The following DSCAM variants were observed in gnomAD, a reference collection of about 807,000 sequenced individuals.
DSCAM encodes the protein cell adhesion molecule DSCAM.
In DSCAM, 47 loss-of-function variants were observed where a neutral mutation model predicts 217.7. The ratio of observed to expected loss-of-function variants is 0.22; its 90% CI spans 0.17 to 0.28. The LOEUF is 0.28. DSCAM is among the 10% of genes least tolerant of loss of function. The pLI is 1.00. For missense variants in DSCAM, 2,080 were observed against 2,618.3 expected (o/e 0.79, Z 4.49); for synonymous variants, 1,056 against 1,015.3 (o/e 1.04, Z -0.76).
intron 3 of DSCAM, among the ~76,000 whole-genome samples, chr21:40,504,226 G>T (rs1302244005): frequency 1.3e-5 from 2 of 152,184 alleles, no homozygotes; most frequent in East Asian, 3.9e-4. Flanking sequence ...GTGGGGCGAG[G>T]AGAGAGGAGG....
At chr21:40,292,998 AGTGCTGGG>A (rs1238191503) in intron 10 of DSCAM, among the ~76,000 whole-genome samples, 1 of 152,116 alleles carries the variant, frequency 6.6e-6, no homozygotes, top group African/African-American at 2.4e-5. Context: ...GGCCTCCCAA[AGTGCTGGG>A]ATTACAGGTG....
At chr21:40,347,538 G>A in intron 6 of DSCAM, 132 bp downstream of exon 6, 1 of 1,222,474 alleles carries the variant, frequency 8.2e-7, no homozygotes, top group Non-Finnish European at 1.1e-6. Context: ...AAAAATTAGG[G>A]TAGAGTACTA....
chr21:40,739,649 T>C (rs1482994427), intron 1 of DSCAM, among the ~76,000 whole-genome samples: 3 of 152,140 alleles, frequency 2.0e-5, no homozygotes, highest in Non-Finnish European at 2.9e-5. Context: ...TATCTCCAAA[T>C]CCAGTCACAT....
intron 11 of DSCAM, among the ~76,000 whole-genome samples, chr21:40,247,159 T>C (rs959411833): frequency 6.6e-6 from 1 of 152,118 alleles, no homozygotes; most frequent in Non-Finnish European, 1.5e-5. Context: ...CCACAACACA[T>C]GGGAATTCTG....
At chr21:40,033,625 C>A (rs1301852323) in intron 32 of DSCAM, among the ~76,000 whole-genome samples, 32 of 151,862 alleles carry the variant, frequency 2.1e-4, no homozygotes, top group African/African-American at 7.1e-4. Flanking sequence ...CCCAGGCTTG[C>A]TTAGATAAAC....
At chr21:40,531,119 A>G (rs1327233864) in intron 3 of DSCAM, among the ~76,000 whole-genome samples, 1 of 152,184 alleles carries the variant, frequency 6.6e-6, no homozygotes, top group Non-Finnish European at 1.5e-5. Flanking sequence ...CTCTCCAGCT[A>G]CAATCTCCTT....
intron 3 of DSCAM, among the ~76,000 whole-genome samples, chr21:40,427,615 T>G (rs1264636695): frequency 6.6e-6 from 1 of 152,218 alleles, no homozygotes. Context: ...CTACCCACTT[T>G]GCAGCACTTT....
At chr21:40,609,482 T>C (rs1403548025) in intron 3 of DSCAM, among the ~76,000 whole-genome samples, 2 of 152,230 alleles carry the variant, frequency 1.3e-5, no homozygotes, top group Non-Finnish European at 2.9e-5. Context: ...CCTGGCTTTC[T>C]GTGCAATGAT....
chr21:40,741,671 A>G (rs878972358), intron 1 of DSCAM, among the ~76,000 whole-genome samples: 1 of 152,242 alleles, frequency 6.6e-6, no homozygotes, highest in East Asian at 1.9e-4. Flanking sequence ...GCTGCACGGT[A>G]GATTCACCTG....
At position 40,016,489 on chromosome 21, in the gene DSCAM, C is replaced by T. The variant is rs1461292981; in HGVS notation, c.5687-3103G>A. ...AGGTATTTTTATCATAGAAACGTAG[C>T]TCTAGGATGACTCACTGCTCGTTTT... On this transcript the variant is annotated intron_variant, in intron 32 of 32. Coordinates refer to ENST00000400454, the MANE Select transcript of DSCAM (RefSeq NM_001389.5). This position sits in a 1 kb window ranked among gnomAD's most constrained non-coding sequence, Gnocchi z 4.3. Among the ~76,000 whole-genome samples the T allele has an allele frequency of 6.6e-6, 1 of 152,162 alleles. No homozygotes were observed. Among genetic ancestry groups the T allele is most frequent in the Admixed American group, 6.5e-5 (1 of 15,284 alleles).
At chr21:40,839,736 C>A (rs1457716387) in intron 1 of DSCAM, among the ~76,000 whole-genome samples, 2 of 151,766 alleles carry the variant, frequency 1.3e-5, no homozygotes, top group Admixed American at 6.6e-5. Flanking sequence ...ATTTTCAATT[C>A]TTTCTTTCAC....
chr21:40,514,993 T>A (rs577560156), intron 3 of DSCAM, among the ~76,000 whole-genome samples: 1 of 152,320 alleles, frequency 6.6e-6, no homozygotes, highest in South Asian at 2.1e-4. Flanking sequence ...TTTTCAAATT[T>A]TCAGAAGCGA....
At chr21:40,301,799 T>C (rs2074019404) in intron 9 of DSCAM, among the ~76,000 whole-genome samples, 1 of 152,208 alleles carries the variant, frequency 6.6e-6, no homozygotes, top group Admixed American at 6.5e-5. Flanking sequence ...TTCAGTTTTA[T>C]AGACTAGGGA....
At chr21:40,435,209 C>T (rs923489604) in intron 3 of DSCAM, among the ~76,000 whole-genome samples, 16 of 152,308 alleles carry the variant, frequency 1.1e-4, no homozygotes, top group Admixed American at 3.3e-4. Context: ...AGCTGCCAAG[C>T]GGAATCCTCT....
intron 16 of DSCAM, among the ~76,000 whole-genome samples, chr21:40,164,159 C>A (rs1023553731): frequency 6.6e-6 from 1 of 152,140 alleles, no homozygotes; most frequent in Non-Finnish European, 1.5e-5. Flanking sequence ...CCTCCCTGAG[C>A]CATCGCCAAG....
chr21:40,209,836 T>C (rs1379020474), intron 11 of DSCAM, among the ~76,000 whole-genome samples: 2 of 152,184 alleles, frequency 1.3e-5, no homozygotes, highest in African/African-American at 4.8e-5. Flanking sequence ...CTCATTCATC[T>C]TCCTTTTCCA....
chr21:40,374,635 T>C (rs1048641225), intron 3 of DSCAM, among the ~76,000 whole-genome samples: 4 of 152,226 alleles, frequency 2.6e-5, no homozygotes, highest in African/African-American at 9.6e-5. Context: ...GAACTGAATG[T>C]TTGCATCTGC....
intron 25 of DSCAM, among the ~76,000 whole-genome samples, chr21:40,079,769 G>A (rs1243867647): frequency 1.3e-5 from 2 of 151,526 alleles, no homozygotes; most frequent in Non-Finnish European, 2.9e-5. Context: ...TCTGAAAAGC[G>A]GTGGCTATGT....
chr21:40,312,422 C>A (rs998868679), intron 8 of DSCAM, 63 bp from the exon 9 acceptor site: 28 of 1,562,786 alleles, frequency 1.8e-5, no homozygotes, highest in Admixed American at 9.0e-5. Flanking sequence ...TTCCTTTAAC[C>A]CTGTATACGG....
Sources: allele counts gnomAD v4.1 joint callset (sites outside exome capture counted in the v4.1 genomes callset), GRCh38; gene constraint gnomAD v4.1.1; non-coding constraint Gnocchi (gnomAD v3.1); transcripts MANE v1.5; gene names NCBI Gene and HGNC (gene_info 2026-07-23, HGNC 2026-07-21).